The following PCDHGA1 variants were observed in gnomAD, a reference collection of about 807,000 sequenced individuals.
PCDHGA1 encodes the protein protocadherin gamma subfamily A, 1.
A neutral mutation model predicts 58.0 loss-of-function variants in PCDHGA1; 32 were observed. That is an observed-to-expected ratio of 0.55 (90% confidence interval 0.42 to 0.74). The LOEUF (loss-of-function observed/expected upper bound fraction) is 0.74, where lower values mean the gene tolerates loss of function less well. PCDHGA1 is among the 30% of genes least tolerant of loss of function. PCDHGA1 has a pLI of 0.00. For missense variants in PCDHGA1, 1,205 were observed against 1,182.3 expected (o/e 1.02, Z -0.28); for synonymous variants, 498 against 501.1 (o/e 0.99, Z 0.08).
At chr5:141,389,754 G>A (rs370987485) in intron 1 of PCDHGA1, 3 of 1,612,772 alleles carry the variant, frequency 1.9e-6, no homozygotes, top group South Asian at 2.2e-5. Context: ...CACGGGCGAA[G>A]TGCGCACAGC....
At chr5:141,384,205 ACT>A (rs1561601043) in intron 1 of PCDHGA1, 2 of 1,613,874 alleles carry the variant, frequency 1.2e-6, no homozygotes, top group East Asian at 2.2e-5. Context: ...GTCCAGGGAA[ACT>A]CACATATTCA....
At position 141,491,121 on chromosome 5, in the gene PCDHGA1, G is replaced by T. The variant is rs1176877834; in HGVS notation, c.2422-3686G>T. On this transcript the variant is annotated intron_variant, in intron 1 of 3. Transcript: ENST00000517417. The surrounding 1 kb of genome is among the most constrained non-coding windows in gnomAD (Gnocchi z 6.9). ...TCCTCGTGTCTACACACACTGGTGA[G>T]GTGCGCACAGCCCGGGCCTTACTGG... 5 of 1,614,200 alleles carry T rather than the reference G, an allele frequency of 3.1e-6. No individual in the cohort carries two copies. In the South Asian group the frequency reaches 5.5e-5, roughly 18 times the overall value.
At position 141,408,331 on chromosome 5, in the gene PCDHGA1, G is replaced by C. The variant is rs779178317; in HGVS notation, c.2421+75226G>C. On this transcript the variant is annotated intron_variant, in intron 1 of 3. Transcript: ENST00000517417. Reference sequence around the variant, plus strand: ...ACTCGATTCCGGAGGAGCTGGCCAAGGGCTCGGTGGTGGGGAACCTCGCTA... The same window carrying C: ...ACTCGATTCCGGAGGAGCTGGCCAACGGCTCGGTGGTGGGGAACCTCGCTA... 3.1e-6 allele frequency: 5 copies of C among 1,613,932 alleles called. No individual in the cohort carries two copies. In the South Asian group the frequency reaches 5.5e-5, roughly 18 times the overall value.
intron 1 of PCDHGA1, chr5:141,383,737 T>TC: frequency 6.2e-7 from 1 of 1,613,998 alleles, no homozygotes; most frequent in Non-Finnish European, 8.5e-7. Flanking sequence ...AGTGACATAT[T>TC]CTTTTCGGAA....
chr5:141,466,085 G>T (rs1028177123), intron 1 of PCDHGA1, among the ~76,000 whole-genome samples: 2 of 151,984 alleles, frequency 1.3e-5, no homozygotes, highest in African/African-American at 4.8e-5. Flanking sequence ...TCATGCCACT[G>T]CACTCCAGCC....
At chr5:141,422,690 T>G (rs1384522137) in intron 1 of PCDHGA1, 1 of 1,603,908 alleles carries the variant, frequency 6.2e-7, no homozygotes, top group Admixed American at 1.7e-5. Context: ...AATGCCCTGG[T>G]CACTTACTCT....
intron 1 of PCDHGA1, among the ~76,000 whole-genome samples, chr5:141,381,978 C>T (rs1002371340): frequency 6.6e-6 from 1 of 151,452 alleles, no homozygotes; most frequent in Non-Finnish European, 1.5e-5. Flanking sequence ...TACAGGCGCG[C>T]GCCACCACGC....
In PCDHGA1 at chr5:141,374,803, A is replaced by G. The variant is rs371815306; in HGVS notation, c.2421+41698A>G. The G allele has an allele frequency of 9.7e-5, 157 of 1,613,866 alleles. 1 individual carries two copies. Among genetic ancestry groups the G allele is most frequent in the Middle Eastern group, 1.6e-4 (1 of 6,084 alleles). On this transcript the variant is annotated intron_variant, in intron 1 of 3. Coordinates refer to ENST00000517417, the MANE Select transcript of PCDHGA1 (RefSeq NM_018912.3). ...TTCTAGATGTGAATGACAACACTCC[A>G]ATGTTTACTCAGCCTGTCTACCGTG...
intron 1 of PCDHGA1, among the ~76,000 whole-genome samples, chr5:141,430,101 G>C (rs918427744): frequency 6.6e-6 from 1 of 152,036 alleles, no homozygotes; most frequent in African/African-American, 2.4e-5. Context: ...ATTTTTAAGC[G>C]TTACATGTCA....
Position 141,490,688 on chromosome 5 carries a change from C to G in PCDHGA1, c.2422-4119C>G. 1 of 1,614,218 alleles carries G rather than the reference C, an allele frequency of 6.2e-7. No individual in the cohort carries two copies. Among genetic ancestry groups the G allele is most frequent in the Non-Finnish European group, 8.5e-7 (1 of 1,180,032 alleles). On this transcript the variant is annotated intron_variant, in intron 1 of 3. Coordinates refer to ENST00000517417, the MANE Select transcript of PCDHGA1 (RefSeq NM_018912.3). The surrounding 1 kb of genome is among the most constrained non-coding windows in gnomAD (Gnocchi z 5.4). ...ACTGTGGCTGCCTCAGATCCAGACA[C>G]TGGGGATAATGCCCGCCTCACCTAC...
chr5:141,391,230 G>C (rs2092321546), intron 1 of PCDHGA1: 1 of 152,026 alleles, frequency 6.6e-6, no homozygotes, highest in Non-Finnish European at 1.5e-5. Flanking sequence ...TGAGCCTTTT[G>C]CTAGGTATAT....
chr5:141,500,232 G>A (rs1024752888), intron 2 of PCDHGA1, among the ~76,000 whole-genome samples: 1 of 137,690 alleles, frequency 7.3e-6, no homozygotes, highest in South Asian at 2.3e-4. Flanking sequence ...TTATTGATAC[G>A]TAGCCTTGCT....
At chr5:141,371,840 A>G (rs1768098809) in intron 1 of PCDHGA1, 6 of 1,613,642 alleles carry the variant, frequency 3.7e-6, no homozygotes, top group Non-Finnish European at 5.1e-6. Flanking sequence ...CCGACTTGGG[A>G]CCTAATGGCC....
chr5:141,509,882 GTGAC>G (rs1186067105), intron 3 of PCDHGA1, among the ~76,000 whole-genome samples: 1 of 152,182 alleles, frequency 6.6e-6, no homozygotes, highest in Non-Finnish European at 1.5e-5. Context: ...GGTGGTGATG[GTGAC>G]TGACTGTCCC....
At chr5:141,484,359 T>A (rs1218120598) in intron 1 of PCDHGA1, among the ~76,000 whole-genome samples, 1 of 152,222 alleles carries the variant, frequency 6.6e-6, no homozygotes, top group Non-Finnish European at 1.5e-5. Context: ...GTGTATCTAG[T>A]GTATCACTAG....
At chr5:141,466,528 T>C (rs1171715691) in intron 1 of PCDHGA1, among the ~76,000 whole-genome samples, 1 of 152,204 alleles carries the variant, frequency 6.6e-6, no homozygotes, top group African/African-American at 2.4e-5. Context: ...TCCTCCCAAA[T>C]TGATGTAGAT....
intron 1 of PCDHGA1, among the ~76,000 whole-genome samples, chr5:141,474,280 C>A (rs1490512371): frequency 6.6e-6 from 1 of 152,136 alleles, no homozygotes; most frequent in African/African-American, 2.4e-5. Context: ...CTCTGAATAA[C>A]CCACTAGATC....
At chr5:141,413,488 C>G in intron 1 of PCDHGA1, 1 of 1,613,986 alleles carries the variant, frequency 6.2e-7, no homozygotes, top group Non-Finnish European at 8.5e-7. Context: ...TCAGAGCGCG[C>G]GGTGCGTGGT....
At chr5:141,345,153 C>T in intron 1 of PCDHGA1, 1 of 1,613,942 alleles carries the variant, frequency 6.2e-7, no homozygotes, top group Non-Finnish European at 8.5e-7. Context: ...CGTGCATGAC[C>T]GAGATTCTGG....
Sources: allele counts gnomAD v4.1 joint callset (sites outside exome capture counted in the v4.1 genomes callset), GRCh38; gene constraint gnomAD v4.1.1; non-coding constraint Gnocchi (gnomAD v3.1); transcripts MANE v1.5; gene names NCBI Gene and HGNC (gene_info 2026-07-23, HGNC 2026-07-21).